The following FERRY3 variants were observed in gnomAD, a reference collection of about 807,000 sequenced individuals.
FERRY3 encodes FERRY endosomal RAB5 effector complex subunit 3.
chr12:4,537,069 A>T, the FERRY3 span, among the ~76,000 whole-genome samples: 1 of 151,938 alleles, frequency 6.6e-6, no homozygotes, highest in African/African-American at 2.4e-5. Context: ...TTATATTTCC[A>T]CTCTTCTCTC....
chr12:4,528,931 ACACACACAAAC>A, the FERRY3 span, among the ~76,000 whole-genome samples: 1 of 147,996 alleles, frequency 6.8e-6, no homozygotes, highest in African/African-American at 2.6e-5. Flanking sequence ...ACACACACAC[ACACACACAAAC>A]AAAAGTGATT....
At chr12:4,536,173 A>G in the FERRY3 span, 18 of 1,591,072 alleles carry the variant, frequency 1.1e-5, 1 homozygote, top group African/African-American at 8.2e-5. Context: ...CTATTGCAGA[A>G]TCTTTCTCTG....
chr12:4,514,447 G>A, the FERRY3 span, among the ~76,000 whole-genome samples: 5 of 152,210 alleles, frequency 3.3e-5, no homozygotes, highest in Non-Finnish European at 5.9e-5. Context: ...ACATGCACAC[G>A]TATGTTTACT....
chr12:4,497,193 TAAC>T, the FERRY3 span, among the ~76,000 whole-genome samples: 1 of 152,158 alleles, frequency 6.6e-6, no homozygotes, highest in Non-Finnish European at 1.5e-5. Flanking sequence ...CAATAATATA[TAAC>T]AATAACAATG....
chr12:4,497,177 G>C, the FERRY3 span, among the ~76,000 whole-genome samples: 6 of 152,130 alleles, frequency 3.9e-5, no homozygotes, highest in African/African-American at 1.4e-4. Flanking sequence ...CTGTGGTCTA[G>C]TCACACAATA....
chr12:4,529,965 G>A, the FERRY3 span: 1 of 1,613,420 alleles, frequency 6.2e-7, no homozygotes, highest in Non-Finnish European at 8.5e-7. Flanking sequence ...AGTTTCAGAG[G>A]CAGGAGAATG....
At chr12:4,502,351 ATGAG>A in the FERRY3 span, 4 of 438,140 alleles carry the variant, frequency 9.1e-6, no homozygotes, top group South Asian at 6.5e-5. The surrounding 1 kb of genome is among the most constrained non-coding windows in gnomAD (Gnocchi z 4.2). Context: ...TGTTGAATGA[ATGAG>A]TATTTAAGGC....
the FERRY3 span, among the ~76,000 whole-genome samples, chr12:4,526,491 C>T: frequency 6.6e-6 from 1 of 152,060 alleles, no homozygotes; most frequent in East Asian, 1.9e-4. Flanking sequence ...GAACAAAACA[C>T]AGATATAAAC....
At chr12:4,502,512 C>G in the FERRY3 span, 1 of 414,000 alleles carries the variant, frequency 2.4e-6, no homozygotes, top group Non-Finnish European at 4.7e-6. The surrounding 1 kb of genome is among the most constrained non-coding windows in gnomAD (Gnocchi z 4.2). Flanking sequence ...AAATAGAAAA[C>G]ATAGAAAGGA....
chr12:4,535,996 A>T, the FERRY3 span: 2 of 1,058,288 alleles, frequency 1.9e-6, no homozygotes, highest in East Asian at 3.3e-5. The surrounding 1 kb of genome is among the most constrained non-coding windows in gnomAD (Gnocchi z 4.0). Flanking sequence ...GGTGTTACTT[A>T]AAAAAAAAAA....
the FERRY3 span, among the ~76,000 whole-genome samples, chr12:4,533,848 A>C: frequency 6.6e-6 from 1 of 152,334 alleles, no homozygotes; most frequent in Non-Finnish European, 1.5e-5. Flanking sequence ...TATACTAAAA[A>C]ATATTCATTT....
At chr12:4,519,715 C>T in the FERRY3 span, among the ~76,000 whole-genome samples, 2 of 152,186 alleles carry the variant, frequency 1.3e-5, no homozygotes, top group Non-Finnish European at 2.9e-5. The surrounding 1 kb of genome is among the most constrained non-coding windows in gnomAD (Gnocchi z 4.3). Context: ...GAGCAGCAGG[C>T]GAGTGAGCAT....
the FERRY3 span, among the ~76,000 whole-genome samples, chr12:4,498,974 G>A: frequency 1.3e-5 from 2 of 152,154 alleles, no homozygotes; most frequent in East Asian, 3.9e-4. Flanking sequence ...TTCTTGGCCT[G>A]GCAGTTTGGG....
the FERRY3 span, among the ~76,000 whole-genome samples, chr12:4,515,680 G>A: frequency 6.6e-6 from 1 of 152,212 alleles, no homozygotes; most frequent in Non-Finnish European, 1.5e-5. Flanking sequence ...TTTTGGTCAA[G>A]GGGTACAAAG....
chr12:4,508,503 G>A, the FERRY3 span, among the ~76,000 whole-genome samples: 2 of 152,164 alleles, frequency 1.3e-5, no homozygotes, highest in Admixed American at 6.5e-5. Context: ...CCAGCACTTT[G>A]GGAGGCCAAG....
At chr12:4,530,701 A>T in the FERRY3 span, among the ~76,000 whole-genome samples, 1 of 152,258 alleles carries the variant, frequency 6.6e-6, no homozygotes, top group South Asian at 2.1e-4. Context: ...AGGATATAAA[A>T]ATGGTAGCTA....
At chr12:4,509,955 G>A in the FERRY3 span, among the ~76,000 whole-genome samples, 2 of 138,540 alleles carry the variant, frequency 1.4e-5, no homozygotes, top group African/African-American at 3.2e-5. Context: ...CTGAGCTACG[G>A]GAGGACATTC....
the FERRY3 span, among the ~76,000 whole-genome samples, chr12:4,533,868 T>G: frequency 6.6e-6 from 1 of 152,186 alleles, no homozygotes; most frequent in African/African-American, 2.4e-5. Flanking sequence ...TATCTGAAAT[T>G]CTAACTTAAC....
At chr12:4,490,387 T>G in the FERRY3 span, 1 of 619,960 alleles carries the variant, frequency 1.6e-6, no homozygotes, top group Middle Eastern at 2.7e-4. Context: ...ATCCAAATAC[T>G]TCTCTCCTTA....
Sources: allele counts gnomAD v4.1 joint callset (sites outside exome capture counted in the v4.1 genomes callset), GRCh38; gene constraint gnomAD v4.1.1; non-coding constraint Gnocchi (gnomAD v3.1); transcripts MANE v1.5; gene names NCBI Gene and HGNC (gene_info 2026-07-23, HGNC 2026-07-21).